Variants in CACNA1C observed in about 807,000 individuals in gnomAD.
CACNA1C encodes calcium voltage-gated channel subunit alpha1 C, also known as voltage-dependent L-type calcium channel subunit alpha-1C.
Under a neutral mutation model 229.0 loss-of-function variants are expected in CACNA1C, and 30 were observed. That is an observed-to-expected ratio of 0.13 (90% confidence interval 0.10 to 0.18). CACNA1C has a LOEUF of 0.18. Ranked by LOEUF, CACNA1C falls within the 10% of genes least tolerant of loss-of-function variation. CACNA1C has a pLI of 1.00. For missense variants in CACNA1C, 1,658 were observed against 2,845.0 expected (o/e 0.58, Z 9.49); for synonymous variants, 1,114 against 1,132.5 (o/e 0.98, Z 0.33).
intron 3 of CACNA1C, among the ~76,000 whole-genome samples, chr12:2,177,180 C>G (rs1483705516): frequency 2.0e-5 from 3 of 152,176 alleles, no homozygotes; most frequent in Non-Finnish European, 4.4e-5. Context: ...GTAACTCTCT[C>G]CTATCAAAGG....
At chr12:2,662,380 T>C (rs2095807632) in intron 34 of CACNA1C, among the ~76,000 whole-genome samples, 1 of 152,178 alleles carries the variant, frequency 6.6e-6, no homozygotes, top group South Asian at 2.1e-4. Context: ...ACTGATAGGA[T>C]AGTTTAGCAA....
intron 3 of CACNA1C, among the ~76,000 whole-genome samples, chr12:2,246,934 C>G (rs1205847796): frequency 6.6e-6 from 1 of 152,154 alleles, no homozygotes; most frequent in East Asian, 1.9e-4. Flanking sequence ...TTCTCCATCC[C>G]CTTCCAGGCC....
At chr12:2,256,047 C>CAATCACACGACCCTGACCTTGCTAG (rs2077475642) in intron 3 of CACNA1C, among the ~76,000 whole-genome samples, 1 of 18,930 alleles carries the variant, frequency 5.3e-5, no homozygotes, top group African/African-American at 1.7e-4. Context: ...GACCTGACTA[C>CAATCACACGACCCTGACCTTGCTAG]TTTACAATCA....
chr12:2,081,812 G>A (rs2065762392), intron 1 of CACNA1C, among the ~76,000 whole-genome samples: 1 of 151,856 alleles, frequency 6.6e-6, no homozygotes. Context: ...TATTTTTCAG[G>A]GAAATAATGA....
chr12:2,687,923 T>C (rs2097591323), intron 45 of CACNA1C, among the ~76,000 whole-genome samples: 2 of 152,262 alleles, frequency 1.3e-5, no homozygotes, highest in South Asian at 4.1e-4. Flanking sequence ...GCATTATGAA[T>C]GGCCCCATTA....
At chr12:2,482,807 G>A (rs542435280) in intron 5 of CACNA1C, among the ~76,000 whole-genome samples, 2 of 152,194 alleles carry the variant, frequency 1.3e-5, no homozygotes, top group South Asian at 4.2e-4. Context: ...CGGACACTTC[G>A]CAGTTGGTCG....
intron 9 of CACNA1C, among the ~76,000 whole-genome samples, chr12:2,519,306 G>A (rs1052623566): frequency 6.6e-5 from 10 of 152,212 alleles, no homozygotes; most frequent in African/African-American, 1.9e-4. Flanking sequence ...ACACGCAAAC[G>A]CGAGTGCATG....
chr12:2,631,586 G>A (rs545716938), intron 29 of CACNA1C, among the ~76,000 whole-genome samples: 169 of 152,354 alleles, frequency 1.1e-3, no homozygotes, highest in African/African-American at 3.8e-3. Flanking sequence ...ACCTGAGAGC[G>A]AATTGGTTAT....
intron 1 of CACNA1C, among the ~76,000 whole-genome samples, chr12:2,071,140 TCCTCCCTC>T (rs1227159758): frequency 4.9e-3 from 10 of 2,056 alleles, no homozygotes; most frequent in African/African-American, 0.016. Flanking sequence ...CGCTTCCCCC[TCCTCCCTC>T]CCTCCCTCCC....
chr12:2,647,227 C>G lies in CACNA1C; in HGVS notation c.3913-1248C>G, dbSNP rs1379523632. ...CCATCTGAAAGTGGAGAGTAAAAGC[C>G]AAGTCCTGACTTTCTAGAAAGAGTT... On this transcript the variant is annotated intron_variant, in intron 30 of 46. Transcript: ENST00000399655. This position sits in a 1 kb window ranked among gnomAD's most constrained non-coding sequence, Gnocchi z 4.2. Among the ~76,000 whole-genome samples, 1 of 152,172 alleles carries G rather than the reference C, an allele frequency of 6.6e-6. No homozygotes were observed. Among genetic ancestry groups the G allele is most frequent in the Admixed American group, 6.5e-5 (1 of 15,280 alleles).
At chr12:2,163,337 T>C (rs2096010396) in intron 3 of CACNA1C, among the ~76,000 whole-genome samples, 1 of 152,098 alleles carries the variant, frequency 6.6e-6, no homozygotes, top group Admixed American at 6.6e-5. Context: ...ACTTCAAAGA[T>C]AAGGAAGCGG....
chr12:2,627,944 C>T (rs537943711), intron 29 of CACNA1C, among the ~76,000 whole-genome samples: 1 of 152,300 alleles, frequency 6.6e-6, no homozygotes, highest in African/African-American at 2.4e-5. Context: ...GAGCTGGCTG[C>T]CTCCCCTGTG....
At chr12:2,462,493 C>A (rs2099517048) in intron 5 of CACNA1C, among the ~76,000 whole-genome samples, 1 of 152,240 alleles carries the variant, frequency 6.6e-6, no homozygotes, top group Admixed American at 6.5e-5. Flanking sequence ...TTGCTTATCA[C>A]CCCTTACCTC....
In CACNA1C at chr12:2,175,030, A is replaced by G. The variant is rs146806372; in HGVS notation, c.477+54600A>G. The stretch of plus-strand genomic sequence containing the variant: ...CAGAGGCAGAAGAAAATCCACATGT[A>G]AGTGACCCACGCTGTTCAAACCTGT... On this transcript the variant is annotated intron_variant, in intron 3 of 46. Transcript: ENST00000399655. Among the ~76,000 whole-genome samples the G allele has an allele frequency of 9.9e-3, 1,464 of 148,618 alleles. 11 individuals are homozygous for G. Among genetic ancestry groups the G allele is most frequent in the Non-Finnish European group, 0.015 (977 of 66,586 alleles).
intron 9 of CACNA1C, among the ~76,000 whole-genome samples, chr12:2,531,425 G>A (rs2099840838): frequency 6.6e-6 from 1 of 152,020 alleles, no homozygotes; most frequent in African/African-American, 2.4e-5. Context: ...TTCCTCTCTG[G>A]GCCTCAATTT....
In CACNA1C at chr12:2,644,413, T is replaced by C. The variant is rs2094116049; in HGVS notation, c.3913-4062T>C. Among the ~76,000 whole-genome samples, 4 of 152,196 alleles carry C rather than the reference T, an allele frequency of 2.6e-5. No individual in the cohort carries two copies. In the South Asian group the frequency reaches 8.3e-4, roughly 32 times the overall value. ...TGGGTTGGGTATTCCAGCCTAGAGA[T>C]CTACTGCTCAGCCCCTGAATTTCTA... On this transcript the variant is annotated intron_variant, in intron 30 of 46. Transcript: ENST00000399655.
chr12:2,604,967 A>T lies in CACNA1C; in HGVS notation c.2961-114A>T, dbSNP rs925657486. Reference sequence around the variant, plus strand: ...TGCGAACATCCCCAAGATGGGCTTTATGTTTTCTCAGGTTTGCCTCGGATT... The same window carrying T: ...TGCGAACATCCCCAAGATGGGCTTTTTGTTTTCTCAGGTTTGCCTCGGATT... On this transcript the variant is annotated intron_variant, in intron 22 of 46. Transcript: ENST00000399655. The T allele has an allele frequency of 3.9e-6, 3 of 776,226 alleles. No individual in the cohort carries two copies. The Admixed American group carries it at 5.9e-5, about 15-fold the overall frequency. The allele number at this position is 776,226 out of a possible 1,614,324, so 48.1% of individuals were successfully genotyped here.
At chr12:2,069,561 T>C (rs919454520) in intron 1 of CACNA1C, among the ~76,000 whole-genome samples, 1 of 152,262 alleles carries the variant, frequency 6.6e-6, no homozygotes, top group East Asian at 1.9e-4. Flanking sequence ...AGCAGGAATT[T>C]ATGTTTTAGA....
At chr12:2,390,726 G>A (rs740416) in intron 3 of CACNA1C, among the ~76,000 whole-genome samples, 51,717 of 152,010 alleles carry the variant, frequency 0.34, 9,195 homozygotes, top group Admixed American at 0.4. Flanking sequence ...AGTGTGGAAC[G>A]AAGGCACGGT....
Sources: gnomAD v4.1 joint callset for allele counts (sites outside exome capture counted in the v4.1 genomes callset) on GRCh38, gnomAD v4.1.1 for gene constraint, Gnocchi (gnomAD v3.1) non-coding constraint, MANE v1.5 for transcripts, NCBI Gene and HGNC (gene_info 2026-07-23, HGNC 2026-07-21) for gene names.